Variants in RANBP2 observed in about 807,000 individuals in gnomAD.
RANBP2 encodes RAN binding protein 2, also known as E3 SUMO-protein ligase RanBP2.
A neutral mutation model predicts 303.6 loss-of-function variants in RANBP2; 57 were observed. The observed-to-expected ratio is 0.19, with a 90% CI of 0.15 to 0.23. RANBP2 has a LOEUF of 0.23. Among genes scored for constraint, RANBP2 ranks in the 10% least tolerant of loss-of-function variants. The pLI is 1.00. For missense variants in RANBP2, 3,138 were observed against 3,780.8 expected, an observed-to-expected ratio of 0.83 and a Z score of 4.46; for synonymous variants, 1,167 against 1,301.5, an observed-to-expected ratio of 0.90 and a Z score of 2.23.
chr2:109,465,176 A>G, the RANBP2 span, among the ~76,000 whole-genome samples: 1 of 152,366 alleles, frequency 6.6e-6, no homozygotes, highest in African/African-American at 2.4e-5. Flanking sequence ...GCACTGAATA[A>G]TATTCCATTG....
chr2:109,031,084 A>G, the RANBP2 span, among the ~76,000 whole-genome samples: 1 of 152,122 alleles, frequency 6.6e-6, no homozygotes, highest in Non-Finnish European at 1.5e-5. Flanking sequence ...GAGATGCTGG[A>G]GTCTAAGGGT....
the RANBP2 span, among the ~76,000 whole-genome samples, chr2:108,949,061 T>G: frequency 8.5e-5 from 13 of 152,320 alleles, no homozygotes; most frequent in Non-Finnish European, 1.8e-4. Flanking sequence ...CACTGCAGTC[T>G]CGACCTCCAG....
At chr2:109,206,798 A>AAG in the RANBP2 span, among the ~76,000 whole-genome samples, 3 of 152,212 alleles carry the variant, frequency 2.0e-5, no homozygotes, top group African/African-American at 7.2e-5. Flanking sequence ...CCTGGGTGAC[A>AAG]AGAGAGAGAC....
the RANBP2 span, among the ~76,000 whole-genome samples, chr2:109,421,543 A>T: frequency 4.6e-5 from 7 of 152,184 alleles, no homozygotes; most frequent in Admixed American, 1.3e-4. Flanking sequence ...CATGTCCTGG[A>T]TGGCTTCTAA....
At chr2:109,475,760 C>T in the RANBP2 span, among the ~76,000 whole-genome samples, 18,724 of 152,248 alleles carry the variant, frequency 0.12, 2,788 homozygotes, top group African/African-American at 0.36. Flanking sequence ...AATGGCTCCT[C>T]GGGGGCAGAA....
chr2:108,835,170 C>A, the RANBP2 span, among the ~76,000 whole-genome samples: 1 of 152,104 alleles, frequency 6.6e-6, no homozygotes, highest in African/African-American at 2.4e-5. Context: ...CATTATGATT[C>A]AAACATTAGT....
At chr2:109,040,117 A>C in the RANBP2 span, among the ~76,000 whole-genome samples, 7 of 152,102 alleles carry the variant, frequency 4.6e-5, no homozygotes, top group East Asian at 5.8e-4. Flanking sequence ...ATGCACCTGG[A>C]ATTAATTTTT....
At chr2:109,614,982 C>G in the RANBP2 span, 6 of 1,540,278 alleles carry the variant, frequency 3.9e-6, no homozygotes, top group Non-Finnish European at 5.2e-6. Context: ...GCAGCCCCTA[C>G]CGCGGACTCC....
chr2:109,010,884 C>T, the RANBP2 span, among the ~76,000 whole-genome samples: 1 of 152,176 alleles, frequency 6.6e-6, no homozygotes, highest in African/African-American at 2.4e-5. Context: ...GGCAGAGGCC[C>T]GGCTGCTACA....
the RANBP2 span, among the ~76,000 whole-genome samples, chr2:109,315,361 T>G: frequency 1.3e-5 from 2 of 152,236 alleles, no homozygotes; most frequent in Non-Finnish European, 2.9e-5. Context: ...CTTTGTTCAT[T>G]GAGTCTTGCA....
chr2:108,865,304 C>T, the RANBP2 span, among the ~76,000 whole-genome samples: 162 of 152,216 alleles, frequency 1.1e-3, no homozygotes, highest in African/African-American at 3.7e-3. Flanking sequence ...TGTGAATAAC[C>T]GTATACAAAA....
At chr2:109,614,114 G>A in the RANBP2 span, 1 of 1,209,486 alleles carries the variant, frequency 8.3e-7, no homozygotes, top group South Asian at 4.3e-5. Flanking sequence ...GTTGGGGCGG[G>A]CTGAAGGAGA....
At chr2:109,451,054 C>T in the RANBP2 span, among the ~76,000 whole-genome samples, 1 of 152,214 alleles carries the variant, frequency 6.6e-6, no homozygotes, top group Non-Finnish European at 1.5e-5. Flanking sequence ...GGGAACGCTG[C>T]AGACATGGGC....
At chr2:109,689,982 A>G in the RANBP2 span, among the ~76,000 whole-genome samples, 1 of 152,110 alleles carries the variant, frequency 6.6e-6, no homozygotes, top group Non-Finnish European at 1.5e-5. Context: ...TTATGTACCT[A>G]TTGGGGGTAT....
At chr2:108,912,323 G>A in the RANBP2 span, among the ~76,000 whole-genome samples, 1 of 152,172 alleles carries the variant, frequency 6.6e-6, no homozygotes, top group Non-Finnish European at 1.5e-5. Flanking sequence ...ATGTTTATAT[G>A]AAAACCAGTG....
chr2:108,950,437 T>C, the RANBP2 span, among the ~76,000 whole-genome samples: 1 of 152,160 alleles, frequency 6.6e-6, no homozygotes, highest in African/African-American at 2.4e-5. Flanking sequence ...GATGTCTTTA[T>C]GTAGAGCATG....
chr2:109,066,416 T>A, the RANBP2 span, among the ~76,000 whole-genome samples: 1 of 152,168 alleles, frequency 6.6e-6, no homozygotes, highest in Non-Finnish European at 1.5e-5. Context: ...GTGGATTCTT[T>A]TTTTATAAAG....
chr2:108,907,846 T>C, the RANBP2 span: 2 of 1,613,224 alleles, frequency 1.2e-6, no homozygotes, highest in Non-Finnish European at 1.7e-6. Flanking sequence ...TCATGGCACC[T>C]GCAGGAGCCT....
At chr2:109,158,176 C>T in the RANBP2 span, among the ~76,000 whole-genome samples, 4 of 152,250 alleles carry the variant, frequency 2.6e-5, no homozygotes, top group Admixed American at 6.5e-5. Flanking sequence ...TCAAAACACA[C>T]GACTGCAAGC....
Sources: gnomAD v4.1 joint callset for allele counts (sites outside exome capture counted in the v4.1 genomes callset) on GRCh38, gnomAD v4.1.1 for gene constraint, MANE v1.5 for transcripts, NCBI Gene and HGNC (gene_info 2026-07-23, HGNC 2026-07-21) for gene names.